Variants in PRKG2 observed in about 807,000 individuals in gnomAD.
PRKG2 encodes cGMP-dependent protein kinase 2.
A neutral mutation model predicts 97.2 loss-of-function variants in PRKG2; 33 were observed. The observed-to-expected ratio is 0.34, with a 90% confidence interval of 0.26 to 0.45. The LOEUF is 0.45. PRKG2 is among the 20% of genes least tolerant of loss of function. PRKG2 has a pLI of 1.00. For synonymous variants in PRKG2, 330 were observed against 321.8 expected, an observed-to-expected ratio of 1.03 and a Z score of -0.27; for missense variants, 638 against 900.0, an observed-to-expected ratio of 0.71 and a Z score of 3.73.
intron 14 of PRKG2, among the ~76,000 whole-genome samples, chr4:81,129,319 C>T (rs992263564): frequency 6.6e-6 from 1 of 152,098 alleles, no homozygotes; most frequent in Non-Finnish European, 1.5e-5. Context: ...TAGACAGCTA[C>T]TAGGTCTGCT....
chr4:81,212,108 A>G (rs1195508058), intron 1 of PRKG2, among the ~76,000 whole-genome samples: 1 of 152,170 alleles, frequency 6.6e-6, no homozygotes, highest in Non-Finnish European at 1.5e-5. Context: ...AATTAAAAGC[A>G]TCTGTCCATC....
intron 17 of PRKG2, among the ~76,000 whole-genome samples, chr4:81,100,510 T>C (rs1742631154): frequency 6.6e-6 from 1 of 152,162 alleles, no homozygotes; most frequent in Non-Finnish European, 1.5e-5. Context: ...TGGCTAGCCA[T>C]ATGTAGAAAG....
chr4:81,107,613 A>G (rs1200760173), intron 15 of PRKG2, among the ~76,000 whole-genome samples: 1 of 152,058 alleles, frequency 6.6e-6, no homozygotes, highest in Non-Finnish European at 1.5e-5. Context: ...CCTGGGTTCA[A>G]GTGATTCTCC....
At chr4:81,197,478 T>A (rs1237704176) in intron 2 of PRKG2, among the ~76,000 whole-genome samples, 2 of 152,120 alleles carry the variant, frequency 1.3e-5, no homozygotes, top group African/African-American at 4.8e-5. Flanking sequence ...GCAAGCGAAA[T>A]AAAATGAGAA....
chr4:81,128,323 T>G (rs529498893), intron 14 of PRKG2, among the ~76,000 whole-genome samples: 1 of 152,358 alleles, frequency 6.6e-6, no homozygotes, highest in African/African-American at 2.4e-5. Flanking sequence ...TAGACTTTGG[T>G]ATCAGGATGA....
chr4:81,121,313 T>TA (rs1745047897), intron 14 of PRKG2, among the ~76,000 whole-genome samples: 1 of 152,154 alleles, frequency 6.6e-6, no homozygotes, highest in Non-Finnish European at 1.5e-5. Context: ...AATGGCCTCA[T>TA]AAAATCAGTT....
intron 2 of PRKG2, among the ~76,000 whole-genome samples, chr4:81,190,059 C>T (rs1267988157): frequency 6.6e-6 from 1 of 152,144 alleles, no homozygotes; most frequent in African/African-American, 2.4e-5. Flanking sequence ...ATTTCCATCA[C>T]AGAATTAGAA....
At chr4:81,105,618 A>G (rs931677857) in intron 16 of PRKG2, among the ~76,000 whole-genome samples, 195 bp downstream of exon 16, 1 of 152,190 alleles carries the variant, frequency 6.6e-6, no homozygotes, top group African/African-American at 2.4e-5. Flanking sequence ...ATAAGTAGGT[A>G]CTGTGATTCT....
intron 17 of PRKG2, among the ~76,000 whole-genome samples, chr4:81,099,499 A>G (rs1420745412): frequency 7.2e-5 from 11 of 152,228 alleles, no homozygotes; most frequent in Admixed American, 7.2e-4. Context: ...AAGGCCTTTG[A>G]CAAAATTCAA....
intron 1 of PRKG2, 97 bp from the exon 2 acceptor site, chr4:81,205,157 C>T (rs1753578541): frequency 1.3e-6 from 1 of 745,626 alleles, no homozygotes; most frequent in East Asian, 2.8e-5. Flanking sequence ...TAAATAGGAA[C>T]ACAGTAATCT....
chr4:81,185,981 T>C (rs1230427048), intron 2 of PRKG2, among the ~76,000 whole-genome samples: 4 of 152,144 alleles, frequency 2.6e-5, no homozygotes, highest in Non-Finnish European at 5.9e-5. Context: ...AGCAAGTTAT[T>C]AGAAACCTAC....
chr4:81,201,465 G>T (rs1272548858), intron 2 of PRKG2, among the ~76,000 whole-genome samples: 1 of 152,134 alleles, frequency 6.6e-6, no homozygotes, highest in Non-Finnish European at 1.5e-5. Context: ...AATGCCAGTA[G>T]AGTTTCATTA....
At chr4:81,196,732 T>G (rs558693300) in intron 2 of PRKG2, among the ~76,000 whole-genome samples, 40 of 151,704 alleles carry the variant, frequency 2.6e-4, no homozygotes, top group Non-Finnish European at 5.6e-4. Flanking sequence ...ATATAAAATA[T>G]TCTCTGGCCA....
chr4:81,127,816 C>G (rs565754171), intron 14 of PRKG2, among the ~76,000 whole-genome samples: 2 of 152,254 alleles, frequency 1.3e-5, no homozygotes, highest in African/African-American at 4.8e-5. Flanking sequence ...TTTGAATATG[C>G]TTTATTTCTT....
Position 81,088,102 on chromosome 4 carries a change from T to G in PRKG2, c.*1606A>C, listed in dbSNP as rs1156810404. On this transcript the variant is annotated 3_prime_UTR_variant, in exon 19 of 19. Coordinates refer to ENST00000264399, the MANE Select transcript of PRKG2 (RefSeq NM_006259.3). ...GTTATGTCAATCCTATTAAAAATGA[T>G]TATTCTATGTACAATACATAATCTT... The G allele has an allele frequency of 6.6e-6, 1 of 152,120 alleles. No homozygotes were observed. Among genetic ancestry groups the G allele is most frequent in the African/African-American group, 2.4e-5 (1 of 41,454 alleles). 9.4% of individuals were successfully genotyped at this position (152,120 alleles called of 1,614,324 possible). A position where few individuals can be genotyped will look rare whatever the true frequency, so the allele number is the denominator to read the frequency against.
At chr4:81,143,463 T>C (rs1747500807) in intron 10 of PRKG2, among the ~76,000 whole-genome samples, 1 of 152,206 alleles carries the variant, frequency 6.6e-6, no homozygotes, top group Non-Finnish European at 1.5e-5. Flanking sequence ...AAATAACTGC[T>C]TTGTGAAATA....
intron 6 of PRKG2, among the ~76,000 whole-genome samples, chr4:81,154,612 C>T (rs1484007300): frequency 6.7e-6 from 1 of 150,110 alleles, no homozygotes; most frequent in Non-Finnish European, 1.5e-5. Flanking sequence ...AGCAAAAACC[C>T]ATCTGTACAT....
rs1754199662 is a variant in PRKG2 at position 81,214,921 on chromosome 4, G to T, written c.-14+15C>A. 6.6e-6 allele frequency: 1 copy of T among 152,296 alleles called. No homozygotes were observed. Among genetic ancestry groups the T allele is most frequent in the Admixed American group, 6.5e-5 (1 of 15,288 alleles). 9.4% of individuals were successfully genotyped at this position (152,296 alleles called of 1,614,324 possible). A position where few individuals can be genotyped will look rare whatever the true frequency, so the allele number is the denominator to read the frequency against. ...CACACCCCGGCGCCCAAGACCCCCGGCCCACGAACCTCACCAGACAGCCGG... is the reference window on the plus strand; with the variant it reads ...CACACCCCGGCGCCCAAGACCCCCGTCCCACGAACCTCACCAGACAGCCGG... On this transcript the variant is annotated intron_variant, in intron 1 of 18. Transcript: ENST00000264399.
At chr4:81,106,076 T>G (rs1743303375) in intron 15 of PRKG2, 141 bp from the exon 16 acceptor site, 2 of 971,256 alleles carry the variant, frequency 2.1e-6, no homozygotes, top group Admixed American at 5.7e-5. Flanking sequence ...TTACAACAAA[T>G]TTAGATATAT....
Sources: gnomAD v4.1 joint callset for allele counts (sites outside exome capture counted in the v4.1 genomes callset) on GRCh38, gnomAD v4.1.1 for gene constraint, MANE v1.5 for transcripts, NCBI Gene and HGNC (gene_info 2026-07-23, HGNC 2026-07-21) for gene names.